SRRT: variants seen among roughly 807,000 people sequenced by gnomAD.
The protein encoded by SRRT is serrate, RNA effector molecule, also known as serrate RNA effector molecule homolog.
SRRT carries 32 observed loss-of-function variants against 103.2 expected under a neutral mutation model. That is an observed-to-expected ratio of 0.31 (90% CI 0.23 to 0.42). SRRT has a LOEUF of 0.42. Among genes scored for constraint, SRRT ranks in the 10% least tolerant of loss-of-function variants. SRRT has a pLI of 1.00. For synonymous variants in SRRT, 525 were observed against 449.0 expected, an observed-to-expected ratio of 1.17 and a Z score of -2.14; for missense variants, 986 against 1,207.5, an observed-to-expected ratio of 0.82 and a Z score of 2.72.
At position 100,882,252 on chromosome 7, in the gene SRRT, C is replaced by G. The variant is rs1470491386; in HGVS notation, c.587+11C>G. 1 of 1,612,612 alleles carries G rather than the reference C, an allele frequency of 6.2e-7. No individual in the cohort carries two copies. Among genetic ancestry groups the G allele is most frequent in the Non-Finnish European group, 8.5e-7 (1 of 1,179,046 alleles). On this transcript the variant is annotated intron_variant, in intron 5 of 19. Coordinates refer to ENST00000611405, the MANE Select transcript of SRRT (RefSeq NM_015908.6). The surrounding 1 kb of genome is among the most constrained non-coding windows in gnomAD (Gnocchi z 4.2). Reference sequence around the variant, plus strand: ...CAAAGATGAGGAGTGGTGAGTGCCCCTACTTCCCTGGACCTCTGCCCTGGC... The same window carrying G: ...CAAAGATGAGGAGTGGTGAGTGCCCGTACTTCCCTGGACCTCTGCCCTGGC...
intron 2 of SRRT, 185 bp downstream of exon 2, chr7:100,875,897 A>G (rs953024558): frequency 1.6e-6 from 1 of 643,028 alleles, no homozygotes; most frequent in African/African-American, 1.8e-5. Context: ...GGTTTTTGAA[A>G]TTCTCTGCAG....
chr7:100,881,596 A>G, intron 3 of SRRT, 63 bp from the exon 4 acceptor site: 1 of 1,607,158 alleles, frequency 6.2e-7, no homozygotes, highest in African/African-American at 1.3e-5. Context: ...CCGTCTGTCC[A>G]TCCTCCATGC....
chr7:100,881,438 C>T (rs779124454), intron 3 of SRRT, 25 bp downstream of exon 3: 6 of 1,604,626 alleles, frequency 3.7e-6, no homozygotes, highest in African/African-American at 2.7e-5. Flanking sequence ...TTTCCCTCTC[C>T]TCCCCTTTGC....
At chr7:100,880,427 C>T (rs539478908) in intron 2 of SRRT, among the ~76,000 whole-genome samples, 16 of 152,236 alleles carry the variant, frequency 1.1e-4, no homozygotes, top group East Asian at 7.7e-4. Flanking sequence ...CTCAGCCTCC[C>T]GAGTAGCTGG....
At chr7:100,880,831 T>C in intron 2 of SRRT, 1 of 309,178 alleles carries the variant, frequency 3.2e-6, no homozygotes, top group South Asian at 2.4e-5. Context: ...AAGGCCAGGC[T>C]GGGAGAAGAG....
At chr7:100,875,749 T>G (rs374599544) in intron 2 of SRRT, 37 bp downstream of exon 2, 110 of 1,610,482 alleles carry the variant, frequency 6.8e-5, no homozygotes, top group Non-Finnish European at 8.8e-5. Context: ...CCCCGTTTCA[T>G]GCCGTTTCAC....
chr7:100,878,309 CAAAA>C (rs796835566), intron 2 of SRRT, among the ~76,000 whole-genome samples: 3 of 121,748 alleles, frequency 2.5e-5, no homozygotes, highest in Admixed American at 8.4e-5. Flanking sequence ...GATACCCTGT[CAAAA>C]AAAAAAAAAG....
chr7:100,883,927 A>G lies in SRRT; in HGVS notation c.588-143A>G, dbSNP rs940918041. On this transcript the variant is annotated intron_variant, in intron 5 of 19. Transcript: ENST00000611405. ...TGTTGGGTGGTTCTAGCGCACCCCT[A>G]TCCCTTAATCTCTCTATTTTGATGA... The G allele has an allele frequency of 8.0e-6, 7 of 872,056 alleles. No homozygotes were observed. In the African/African-American group the frequency reaches 1.2e-4, roughly 15 times the overall value. The allele number at this position is 872,056 out of a possible 1,614,324, so 54.0% of individuals were successfully genotyped here. A position where few individuals can be genotyped will look rare whatever the true frequency, so the allele number is the denominator to read the frequency against.
chr7:100,875,747 C>T, intron 2 of SRRT, 35 bp downstream of exon 2: 3 of 1,610,552 alleles, frequency 1.9e-6, no homozygotes, highest in Middle Eastern at 1.7e-4. Context: ...GTCCCCGTTT[C>T]ATGCCGTTTC....
intron 3 of SRRT, 79 bp from the exon 4 acceptor site, chr7:100,881,580 G>A: frequency 1.3e-6 from 2 of 1,594,402 alleles, no homozygotes; most frequent in Admixed American, 1.8e-5. Flanking sequence ...CATGCTGTGT[G>A]TACCCCCGTC....
intron 2 of SRRT, among the ~76,000 whole-genome samples, chr7:100,879,633 A>G (rs1300548792): frequency 6.6e-6 from 1 of 152,180 alleles, no homozygotes; most frequent in Non-Finnish European, 1.5e-5. Context: ...TGAATATAGT[A>G]AGTATCGATA....
intron 3 of SRRT, 53 bp downstream of exon 3, chr7:100,881,466 C>CT: frequency 2.5e-6 from 4 of 1,590,442 alleles, no homozygotes; most frequent in Non-Finnish European, 3.4e-6. Flanking sequence ...CCACCTGGGC[C>CT]TCCCCTTTCT....
Position 100,886,960 on chromosome 7 carries a change from T to A in SRRT, c.1813T>A (p.Leu605Met), listed in dbSNP as rs756163189. 1 of 1,610,188 alleles carries A rather than the reference T, an allele frequency of 6.2e-7. No individual in the cohort carries two copies. The highest frequency in any genetic ancestry group is 8.5e-7 in the Non-Finnish European group (1 of 1,177,278). ...AEINVERDEK[L>M]IKVLDKLLLY... Reference sequence around the variant, plus strand: ...GATCAACGTGGAGCGGGATGAGAAGTTGATTAAGGTGCCAGTGGCAGCGCG... The same window carrying A: ...GATCAACGTGGAGCGGGATGAGAAGATGATTAAGGTGCCAGTGGCAGCGCG... Residue 605 changes from leucine to methionine, a missense_variant, in exon 14 of 20, where the codon TTG (leucine) becomes ATG (methionine). Physicochemically the swap from Leu to Met is conservative, Grantham distance 15 (BLOSUM62 2). Transcript: ENST00000611405.
rs1789674361 is a variant in SRRT at position 100,882,469 on chromosome 7, C to A, written c.587+228C>A. 2.1e-6 allele frequency: 1 copy of A among 486,348 alleles called. No homozygotes were observed. 30.1% of individuals were successfully genotyped at this position (486,348 alleles called of 1,614,324 possible). On this transcript the variant is annotated intron_variant, in intron 5 of 19. Transcript: ENST00000611405. This position sits in a 1 kb window ranked among gnomAD's most constrained non-coding sequence, Gnocchi z 4.2. ...CCTGCTGTCCTCAGAGAGTGGGACA[C>A]CTCCAGGCAGCAGGCCAGAGCCACT...
chr7:100,888,477 G>A lies in SRRT; in HGVS notation c.2559G>A (p.Met853Ile). The A allele has an allele frequency of 6.2e-7, 1 of 1,614,116 alleles. No homozygotes were observed. The highest frequency in any genetic ancestry group is 8.5e-7 in the Non-Finnish European group (1 of 1,179,994). Residue 853 changes from methionine to isoleucine, a missense_variant, in exon 20 of 20, where the codon ATG becomes ATA. Physicochemically the swap from Met to Ile is conservative, Grantham distance 10. This residue lies in a region of SRRT where 178 missense variants were observed against 189.6 expected (regional missense o/e 0.94). Coordinates refer to ENST00000611405, the MANE Select transcript of SRRT (RefSeq NM_015908.6). ...GGYPGKPRNR[M>I]VRGDPRAIVE... ...TCCTGTACCTCTCACCTCACAGGAT[G>A]GTTCGTGGAGACCCAAGGGCCATTG... is the stretch of plus-strand genomic sequence containing the variant.
intron 5 of SRRT, among the ~76,000 whole-genome samples, chr7:100,883,321 G>A (rs565084267): frequency 1.2e-3 from 183 of 151,694 alleles, no homozygotes; most frequent in African/African-American, 4.3e-3. Context: ...CTTTGTTTTC[G>A]GTTTCTGGGA....
At chr7:100,878,641 A>G (rs570249400) in intron 2 of SRRT, among the ~76,000 whole-genome samples, 2 of 152,148 alleles carry the variant, frequency 1.3e-5, no homozygotes, top group African/African-American at 2.4e-5. Flanking sequence ...TCCAAAATGA[A>G]TATCTACAGT....
At position 100,886,938 on chromosome 7, in the gene SRRT, C is replaced by A. The variant is rs776277746; in HGVS notation, c.1791C>A (p.Ile597=). The A allele has an allele frequency of 1.9e-6, 3 of 1,612,354 alleles. No homozygotes were observed. In the South Asian group the frequency reaches 3.3e-5, roughly 18 times the overall value. Reference sequence around the variant, plus strand: ...CTAAGGAAGGGAACCCGGCAGAGATCAACGTGGAGCGGGATGAGAAGTTGA... The same window carrying A: ...CTAAGGAAGGGAACCCGGCAGAGATAAACGTGGAGCGGGATGAGAAGTTGA... The part of the protein sequence containing the change: ...EPPKEGNPAE[I]NVERDEKLIK... Residue 597 remains isoleucine, a synonymous_variant, in exon 14 of 20, where the codon ATC becomes ATA. Coordinates refer to ENST00000611405, the MANE Select transcript of SRRT (RefSeq NM_015908.6).
rs770326991 is a variant in SRRT, at chr7:100,887,322, C to T, written c.1978C>T (p.Leu660=). The part of the protein sequence containing the change: ...PPNRISHGEV[L]EWQKTFEEKL... ...CTTCCTCTGTTCCCAAACCACAGTG[C>T]TGGAGTGGCAGAAGACTTTTGAGGA... The change falls in exon 16 of 20, where the codon CTG becomes TTG. Residue 660 remains leucine (L), a splice_region_variant and synonymous_variant. Coordinates refer to ENST00000611405, the MANE Select transcript of SRRT (RefSeq NM_015908.6). This position sits in a 1 kb window ranked among gnomAD's most constrained non-coding sequence, Gnocchi z 4.1. 6.2e-7 allele frequency: 1 copy of T among 1,613,656 alleles called. No individual in the cohort carries two copies. Among genetic ancestry groups the T allele is most frequent in the Non-Finnish European group, 8.5e-7 (1 of 1,179,694 alleles).
Sources: gnomAD v4.1 joint callset for allele counts (sites outside exome capture counted in the v4.1 genomes callset) on GRCh38, gnomAD v4.1.1 for gene constraint, gnomAD v4.1.1 regional missense constraint, Gnocchi (gnomAD v3.1) non-coding constraint, MANE v1.5 for transcripts, NCBI Gene and HGNC (gene_info 2026-07-23, HGNC 2026-07-21) for gene names.